Variants in FER observed in about 807,000 individuals in gnomAD.
The protein encoded by FER is FER tyrosine kinase.
FER carries 63 observed loss-of-function variants against 111.0 expected under a neutral mutation model. The observed-to-expected ratio is 0.57, with a 90% CI of 0.46 to 0.70. The LOEUF is 0.70. FER is among the 30% of genes least tolerant of loss of function. FER has a pLI of 0.00. For synonymous variants in FER, 327 were observed against 313.9 expected (o/e 1.04, Z -0.44); for missense variants, 914 against 954.0 (o/e 0.96, Z 0.55).
intron 1 of FER, among the ~76,000 whole-genome samples, chr5:108,761,169 C>G (rs564800118): frequency 9.1e-4 from 138 of 152,160 alleles, no homozygotes; most frequent in Non-Finnish European, 1.5e-3. Flanking sequence ...GCCTCGTGGT[C>G]CCCCCACCTC....
intron 17 of FER, among the ~76,000 whole-genome samples, chr5:109,138,168 C>CT (rs1753118363): frequency 6.6e-6 from 1 of 152,184 alleles, no homozygotes; most frequent in African/African-American, 2.4e-5. Context: ...AAGAATTACT[C>CT]TCTCCATTCA....
intron 16 of FER, among the ~76,000 whole-genome samples, chr5:109,083,402 A>G (rs956690443): frequency 6.6e-6 from 1 of 152,028 alleles, no homozygotes; most frequent in African/African-American, 2.4e-5. Flanking sequence ...CAAACCTTAA[A>G]TCAATATTCC....
At chr5:109,037,007 T>C (rs1340227101) in intron 13 of FER, among the ~76,000 whole-genome samples, 2 of 152,042 alleles carry the variant, frequency 1.3e-5, no homozygotes, top group South Asian at 2.1e-4. Flanking sequence ...CTTAGTAATA[T>C]GATTTGAGTA....
In FER at chr5:109,040,690, T is replaced by C. The variant is rs114528607; in HGVS notation, c.1713+3212T>C. Among the ~76,000 whole-genome samples, 901 of 152,226 alleles carry C rather than the reference T, an allele frequency of 5.9e-3. 6 individuals are homozygous for C. Among genetic ancestry groups the C allele is most frequent in the African/African-American group, 0.021 (863 of 41,530 alleles). ...AGAAATCAGAGATGTGGGGTGATAGTTTCAAGAGAATGATTTGTGCTTTGT... is the reference window on the plus strand; with the variant it reads ...AGAAATCAGAGATGTGGGGTGATAGCTTCAAGAGAATGATTTGTGCTTTGT... On this transcript the variant is annotated intron_variant, in intron 14 of 19. Transcript: ENST00000281092.
chr5:108,907,447 C>T (rs1750946569), intron 10 of FER, among the ~76,000 whole-genome samples: 1 of 151,986 alleles, frequency 6.6e-6, no homozygotes, highest in Non-Finnish European at 1.5e-5. Flanking sequence ...GTGCTGCCAC[C>T]ACACCCAGCT....
At chr5:108,788,533 T>C (rs1430784398) in intron 2 of FER, among the ~76,000 whole-genome samples, 2 of 125,818 alleles carry the variant, frequency 1.6e-5, no homozygotes, top group Non-Finnish European at 3.2e-5. Context: ...GACACTAATA[T>C]CTTTTTTTTT....
intron 10 of FER, among the ~76,000 whole-genome samples, chr5:108,916,669 A>G (rs1180403529): frequency 6.6e-6 from 1 of 152,170 alleles, no homozygotes; most frequent in Non-Finnish European, 1.5e-5. Flanking sequence ...TATTACTTAT[A>G]AAATATTCAT....
chr5:109,083,986 T>C (rs1314388604), intron 16 of FER, among the ~76,000 whole-genome samples: 1 of 152,000 alleles, frequency 6.6e-6, no homozygotes, highest in African/African-American at 2.4e-5. Context: ...ATAAACAAGG[T>C]AAAATCCTAG....
intron 16 of FER, among the ~76,000 whole-genome samples, chr5:109,062,643 C>T (rs1403405753): frequency 4.0e-5 from 6 of 151,876 alleles, no homozygotes; most frequent in African/African-American, 1.2e-4. Context: ...TGAAAGATGC[C>T]GTGATGAATA....
chr5:108,749,464 T>C (rs1750198500), intron 1 of FER, among the ~76,000 whole-genome samples: 1 of 151,934 alleles, frequency 6.6e-6, no homozygotes, highest in Admixed American at 6.5e-5. Context: ...TCACCCCTTT[T>C]CTCGGCGGCA....
chr5:108,837,828 G>A (rs1355947884), intron 5 of FER, among the ~76,000 whole-genome samples: 3 of 152,100 alleles, frequency 2.0e-5, no homozygotes, highest in Non-Finnish European at 4.4e-5. Flanking sequence ...GGAAGGCAAC[G>A]AGAGAATCTG....
chr5:108,876,915 T>G (rs1416164329), intron 8 of FER, among the ~76,000 whole-genome samples: 1 of 152,232 alleles, frequency 6.6e-6, no homozygotes, highest in Admixed American at 6.5e-5. Flanking sequence ...CAGTTATTAC[T>G]GTATTTTGAA....
In FER at chr5:109,192,544, A is replaced by G. The variant is rs1053228363; in HGVS notation, c.*4969A>G. ...TATTTCCCAACTAATGCATTTGGAC[A>G]TATGTATTCCAGTTTTTCAAAGACA... On this transcript the variant is annotated 3_prime_UTR_variant, in exon 20 of 20. Transcript: ENST00000281092. The G allele has an allele frequency of 6.6e-6, 1 of 152,154 alleles. No homozygotes were observed. Among genetic ancestry groups the G allele is most frequent in the Admixed American group, 6.5e-5 (1 of 15,270 alleles). The allele number at this position is 152,154 out of a possible 1,614,324, so 9.4% of individuals were successfully genotyped here.
intron 16 of FER, among the ~76,000 whole-genome samples, chr5:109,054,846 C>G (rs1002161506): frequency 9.9e-5 from 15 of 152,136 alleles, no homozygotes; most frequent in African/African-American, 3.6e-4. Context: ...AATGACTATT[C>G]TTTCTCTCTT....
chr5:109,022,540 T>A (rs1329999425), intron 13 of FER, among the ~76,000 whole-genome samples: 3 of 152,078 alleles, frequency 2.0e-5, no homozygotes, highest in Admixed American at 2.0e-4. Flanking sequence ...GATGTCACAT[T>A]TAATGATTTG....
At chr5:109,004,090 A>G (rs997306313) in intron 13 of FER, among the ~76,000 whole-genome samples, 2 of 152,156 alleles carry the variant, frequency 1.3e-5, no homozygotes, top group African/African-American at 2.4e-5. Context: ...GGAAGTGAGC[A>G]CTCTCATACT....
intron 9 of FER, among the ~76,000 whole-genome samples, chr5:108,890,107 C>T (rs1461734386): frequency 6.6e-6 from 1 of 151,950 alleles, no homozygotes; most frequent in East Asian, 1.9e-4. Context: ...TCCTTCAGTC[C>T]ATCTACCTCC....
chr5:108,925,087 G>A (rs753884215), intron 10 of FER, among the ~76,000 whole-genome samples: 2 of 151,588 alleles, frequency 1.3e-5, no homozygotes, highest in Non-Finnish European at 2.9e-5. Context: ...TCAATACATG[G>A]AAGGTAAAAG....
intron 8 of FER, among the ~76,000 whole-genome samples, chr5:108,880,783 G>T (rs73781904): frequency 0.021 from 3,198 of 151,778 alleles, 110 homozygotes; most frequent in African/African-American, 0.074. Flanking sequence ...GATGACTCTC[G>T]ATCATTATTA....
Sources: gnomAD v4.1 joint callset for allele counts (sites outside exome capture counted in the v4.1 genomes callset) on GRCh38, gnomAD v4.1.1 for gene constraint, MANE v1.5 for transcripts, NCBI Gene and HGNC (gene_info 2026-07-23, HGNC 2026-07-21) for gene names.